MAP3K13: variants seen among roughly 807,000 people sequenced by gnomAD.
The protein encoded by MAP3K13 is leucine zipper-bearing kinase.
In MAP3K13, 52 loss-of-function variants were observed where a neutral mutation model predicts 104.0. That is an observed-to-expected ratio of 0.50 (90% CI 0.40 to 0.63). The LOEUF (loss-of-function observed/expected upper bound fraction) is 0.63. Ranked by LOEUF, MAP3K13 falls within the 20% of genes least tolerant of loss-of-function variation. The pLI, the probability that MAP3K13 is intolerant of heterozygous loss-of-function variation, is 0.00. For synonymous variants in MAP3K13, 394 were observed against 442.2 expected (o/e 0.89, Z 1.37); for missense variants, 914 against 1,218.5 (o/e 0.75, Z 3.72).
intron 2 of MAP3K13, among the ~76,000 whole-genome samples, chr3:185,434,121 T>C (rs1714896168): frequency 1.3e-5 from 2 of 151,946 alleles, no homozygotes; most frequent in African/African-American, 4.8e-5. Context: ...AAGGAAATAA[T>C]AGACAATGAT....
intron 7 of MAP3K13, among the ~76,000 whole-genome samples, chr3:185,455,266 G>GAT (rs1270689548): frequency 0.041 from 718 of 17,422 alleles, 80 homozygotes; most frequent in Non-Finnish European, 0.095. Context: ...AGATATATGA[G>GAT]ATATATATGA....
intron 1 of MAP3K13, among the ~76,000 whole-genome samples, chr3:185,426,447 T>C (rs1714424735): frequency 2.0e-5 from 3 of 152,210 alleles, no homozygotes; most frequent in South Asian, 4.1e-4. Flanking sequence ...AATAAAAGGC[T>C]TAAAATTTAG....
chr3:185,482,264 C>T lies in MAP3K13; in HGVS notation c.2800-91C>T, dbSNP rs1718507753. 7.6e-6 allele frequency: 7 copies of T among 920,900 alleles called. No individual in the cohort carries two copies. The South Asian group carries it at 9.8e-5, about 13-fold the overall frequency. The allele number at this position is 920,900 out of a possible 1,614,324, so 57.0% of individuals were successfully genotyped here. The stretch of plus-strand genomic sequence containing the variant: ...CTCGTTTACCTTTGTAGCCCCCTTA[C>T]CAAGCACAGTGCCTGTTGTGTGGGA... On this transcript the variant is annotated intron_variant, in intron 13 of 13. Coordinates refer to ENST00000265026, the MANE Select transcript of MAP3K13 (RefSeq NM_004721.5). The surrounding 1 kb of genome is among the most constrained non-coding windows in gnomAD (Gnocchi z 4.5).
chr3:185,439,089 AG>A (rs1715191916), intron 3 of MAP3K13, among the ~76,000 whole-genome samples: 1 of 152,158 alleles, frequency 6.6e-6, no homozygotes, highest in Non-Finnish European at 1.5e-5. Context: ...TCTTGGGTAC[AG>A]GTTTTGTAGA....
intron 2 of MAP3K13, among the ~76,000 whole-genome samples, chr3:185,312,991 A>G (rs942973420): frequency 6.6e-5 from 10 of 152,132 alleles, no homozygotes; most frequent in Non-Finnish European, 1.3e-4. Flanking sequence ...GAAGTTCAAG[A>G]CCAGCCTACT....
chr3:185,363,914 G>T (rs1723754310), intron 1 of MAP3K13, among the ~76,000 whole-genome samples: 1 of 152,182 alleles, frequency 6.6e-6, no homozygotes, highest in Non-Finnish European at 1.5e-5. Flanking sequence ...CTTATGACGG[G>T]AGCCATAGTG....
intron 1 of MAP3K13, among the ~76,000 whole-genome samples, chr3:185,380,238 C>T (rs1267606389): frequency 6.6e-6 from 1 of 151,168 alleles, no homozygotes; most frequent in South Asian, 2.1e-4. Flanking sequence ...TCAGGCCGGG[C>T]GTGGTGGCTC....
At chr3:185,292,022 A>C in intron 2 of MAP3K13, 7 of 998,734 alleles carry the variant, frequency 7.0e-6, no homozygotes, top group Non-Finnish European at 8.3e-6. Context: ...TTGAGTTAAC[A>C]GGCTGGGCAC....
At chr3:185,388,261 G>T (rs1711813246) in intron 1 of MAP3K13, among the ~76,000 whole-genome samples, 1 of 152,124 alleles carries the variant, frequency 6.6e-6, no homozygotes, top group Non-Finnish European at 1.5e-5. Flanking sequence ...TAGCATTTTG[G>T]GAGGCTGAGG....
intron 1 of MAP3K13, among the ~76,000 whole-genome samples, chr3:185,389,542 TG>T (rs1711910457): frequency 6.6e-6 from 1 of 151,864 alleles, no homozygotes; most frequent in African/African-American, 2.4e-5. Context: ...AGTTGATACC[TG>T]GGGGAAATTT....
chr3:185,313,761 T>C (rs1397362524), intron 2 of MAP3K13, among the ~76,000 whole-genome samples: 1 of 151,790 alleles, frequency 6.6e-6, no homozygotes, highest in East Asian at 1.9e-4. Flanking sequence ...GGTGAATTAT[T>C]GTGAAGTTAA....
chr3:185,465,641 T>C (rs1207897400), intron 8 of MAP3K13, 106 bp from the exon 9 acceptor site: 13 of 774,120 alleles, frequency 1.7e-5, no homozygotes, highest in Non-Finnish European at 2.5e-5. Context: ...TAAGAGGGCC[T>C]TGGGCAAATG....
chr3:185,393,519 C>T (rs531732872), intron 1 of MAP3K13, among the ~76,000 whole-genome samples: 4 of 149,362 alleles, frequency 2.7e-5, no homozygotes, highest in East Asian at 2.0e-4. Context: ...AGTGCAGTGG[C>T]GTGATCTCAG....
intron 1 of MAP3K13, among the ~76,000 whole-genome samples, chr3:185,397,781 A>G (rs1577507651): frequency 6.6e-6 from 1 of 152,068 alleles, no homozygotes; most frequent in Non-Finnish European, 1.5e-5. Flanking sequence ...TCTGCCTGCC[A>G]TGAGGGTTGT....
intron 3 of MAP3K13, among the ~76,000 whole-genome samples, chr3:185,440,679 T>C (rs1715275295): frequency 6.6e-6 from 1 of 152,206 alleles, no homozygotes; most frequent in Non-Finnish European, 1.5e-5. Context: ...TACTTCTTCA[T>C]AACCTGCTAT....
chr3:185,335,587 G>T (rs990766819), intron 2 of MAP3K13, among the ~76,000 whole-genome samples: 9 of 152,096 alleles, frequency 5.9e-5, no homozygotes, highest in Non-Finnish European at 1.3e-4. Context: ...GTGGAGGATT[G>T]GTTCCACGAC....
At chr3:185,298,133 C>G (rs776941271) in intron 2 of MAP3K13, among the ~76,000 whole-genome samples, 1 of 152,166 alleles carries the variant, frequency 6.6e-6, no homozygotes, top group Admixed American at 6.5e-5. Context: ...GAATATTTAG[C>G]TAAATGGTGT....
At position 185,451,291 on chromosome 3, in the gene MAP3K13, A is replaced by C. The variant is rs199643260; in HGVS notation, c.1174A>C (p.Ser392Arg). Residue 392 changes from serine (S) to arginine (R), a missense_variant, in exon 7 of 14, where the codon AGT becomes CGT. Ser to Arg is a moderately radical substitution (Grantham distance 110). Coordinates refer to ENST00000265026, the MANE Select transcript of MAP3K13 (RefSeq NM_004721.5). ...FKILMKQTWQ[S>R]KPRNRPSFRQ... ...AACTGTCTTTTTCACTTTTAGGCAG[A>C]GTAAACCTCGAAACCGACCTTCTTT... The C allele has an allele frequency of 6.2e-7, 1 of 1,609,912 alleles. No homozygotes were observed. Among genetic ancestry groups the C allele is most frequent in the Non-Finnish European group, 8.5e-7 (1 of 1,177,680 alleles).
At chr3:185,478,885 GA>G (rs983971285) in intron 12 of MAP3K13, among the ~76,000 whole-genome samples, 5 of 149,004 alleles carry the variant, frequency 3.4e-5, no homozygotes, top group African/African-American at 9.9e-5. Flanking sequence ...AAAAAAAAAA[GA>G]AAAAAACAAA....
Sources: allele counts gnomAD v4.1 joint callset (sites outside exome capture counted in the v4.1 genomes callset), GRCh38; gene constraint gnomAD v4.1.1; non-coding constraint Gnocchi (gnomAD v3.1); transcripts MANE v1.5; gene names NCBI Gene and HGNC (gene_info 2026-07-23, HGNC 2026-07-21).